Variants in SPSB4 observed in about 807,000 individuals in gnomAD.
SPSB4 encodes SPRY domain-containing SOCS box protein 4.
Under a neutral mutation model 20.9 loss-of-function variants are expected in SPSB4, and 21 were observed. The ratio of observed to expected loss-of-function variants is 1.01; its 90% CI spans 0.71 to 1.45. The LOEUF (loss-of-function observed/expected upper bound fraction) is 1.45. Ranked by LOEUF, SPSB4 falls within the 40% of genes most tolerant of loss-of-function variation. SPSB4 has a pLI of 0.00. For synonymous variants in SPSB4, 207 were observed against 183.8 expected (o/e 1.13, Z -1.02); for missense variants, 399 against 399.2 (o/e 1.00, Z 0.00).
chr3:141,129,492 G>C (rs1939101917), intron 2 of SPSB4, among the ~76,000 whole-genome samples: 1 of 152,196 alleles, frequency 6.6e-6, no homozygotes. Flanking sequence ...CCACCATCCT[G>C]TTGCACCTGC....
intron 1 of SPSB4, among the ~76,000 whole-genome samples, chr3:141,064,402 C>G (rs900888786): frequency 8.5e-5 from 13 of 152,160 alleles, no homozygotes; most frequent in African/African-American, 2.4e-4. Context: ...CCTAGTGTTG[C>G]AAATTGTTAT....
chr3:141,054,885 A>G (rs1343410543), intron 1 of SPSB4, among the ~76,000 whole-genome samples: 1 of 152,052 alleles, frequency 6.6e-6, no homozygotes, highest in Non-Finnish European at 1.5e-5. Flanking sequence ...GAATGGCATG[A>G]ACCTGGGACG....
intron 1 of SPSB4, among the ~76,000 whole-genome samples, chr3:141,056,303 C>G (rs1324048986): frequency 2.0e-5 from 3 of 152,342 alleles, no homozygotes; most frequent in Non-Finnish European, 2.9e-5. Context: ...TACCTGTTAT[C>G]TACCTTCAGG....
At position 141,066,730 on chromosome 3, in the gene SPSB4, T is replaced by G. The variant is rs1057328736; in HGVS notation, c.626T>G (p.Leu209Arg). 5 of 1,607,458 alleles carry G rather than the reference T, an allele frequency of 3.1e-6. No homozygotes were observed. Among genetic ancestry groups the G allele is most frequent in the Non-Finnish European group, 4.2e-6 (5 of 1,176,738 alleles). ...TTCCGAGGTCTCAAGGGCAAGAAGC[T>G]GTACCCGGTGGTGAGTGCCGTGTGG... ...VAFRGLKGKK[L>R]YPVVSAVWGH... The change falls in exon 2 of 3, where the codon CTG (leucine) becomes CGG (arginine). Residue 209 changes from leucine (L) to arginine (R), a missense_variant. Coordinates refer to ENST00000310546, the MANE Select transcript of SPSB4 (RefSeq NM_080862.3).
intron 2 of SPSB4, among the ~76,000 whole-genome samples, chr3:141,100,463 G>A (rs187530248): frequency 1.7e-4 from 26 of 152,268 alleles, no homozygotes; most frequent in Middle Eastern, 3.4e-3. Flanking sequence ...AAAGATTGCC[G>A]GTAAACCACC....
intron 2 of SPSB4, among the ~76,000 whole-genome samples, chr3:141,104,954 C>G (rs2107796383): frequency 6.6e-6 from 1 of 152,286 alleles, no homozygotes; most frequent in Non-Finnish European, 1.5e-5. Flanking sequence ...GATCCCACCT[C>G]TGGAAGGGAT....
At chr3:141,144,261 C>T (rs528860208) in intron 2 of SPSB4, among the ~76,000 whole-genome samples, 1 of 152,218 alleles carries the variant, frequency 6.6e-6, no homozygotes, top group African/African-American at 2.4e-5. Flanking sequence ...TTAATTTCTA[C>T]TTTCCTGATG....
chr3:141,064,368 CTT>C (rs1334799285), intron 1 of SPSB4, among the ~76,000 whole-genome samples: 1 of 152,172 alleles, frequency 6.6e-6, no homozygotes, highest in Non-Finnish European at 1.5e-5. Context: ...AAAGGAGTAA[CTT>C]TATTCTGCTA....
At chr3:141,105,246 G>A (rs1230579224) in intron 2 of SPSB4, among the ~76,000 whole-genome samples, 2 of 152,160 alleles carry the variant, frequency 1.3e-5, no homozygotes, top group African/African-American at 2.4e-5. Context: ...GTGGTGAAAC[G>A]GGATGTTACA....
intron 2 of SPSB4, among the ~76,000 whole-genome samples, chr3:141,129,591 G>A (rs1013831248): frequency 6.6e-6 from 1 of 152,156 alleles, no homozygotes; most frequent in African/African-American, 2.4e-5. Context: ...TCATGCACAC[G>A]CATGCACACA....
At chr3:141,099,517 G>A (rs1379356062) in intron 2 of SPSB4, among the ~76,000 whole-genome samples, 1 of 152,130 alleles carries the variant, frequency 6.6e-6, no homozygotes, top group African/African-American at 2.4e-5. Flanking sequence ...ATATCCATGT[G>A]GTAGATTGTT....
intron 2 of SPSB4, among the ~76,000 whole-genome samples, chr3:141,146,465 G>A (rs1939413958): frequency 1.3e-5 from 2 of 152,068 alleles, no homozygotes; most frequent in South Asian, 2.1e-4. Flanking sequence ...GACCTGAAGT[G>A]AGAAGTCCTT....
intron 2 of SPSB4, among the ~76,000 whole-genome samples, chr3:141,102,005 T>C (rs1177437712): frequency 6.6e-6 from 1 of 152,244 alleles, no homozygotes; most frequent in African/African-American, 2.4e-5. Flanking sequence ...GCCTTTCCAG[T>C]TGTGCAGTGG....
intron 2 of SPSB4, among the ~76,000 whole-genome samples, chr3:141,106,343 C>T (rs547246299): frequency 1.3e-5 from 2 of 149,376 alleles, no homozygotes; most frequent in African/African-American, 5.2e-5. Flanking sequence ...ACCTCCTCCT[C>T]TAAGTGTGCA....
chr3:141,091,327 C>T lies in SPSB4; in HGVS notation c.694+24529C>T, dbSNP rs149431514. On this transcript the variant is annotated intron_variant, in intron 2 of 2. Transcript: ENST00000310546. ...AAGTAGGGATAAAAGCCATAACCACCTCGTGAGCATTGTCATGGAGATTAG... is the reference window on the plus strand; with the variant it reads ...AAGTAGGGATAAAAGCCATAACCACTTCGTGAGCATTGTCATGGAGATTAG... Among the ~76,000 whole-genome samples, 803 of 152,316 alleles carry T rather than the reference C, an allele frequency of 5.3e-3. 7 individuals are homozygous for T. Among genetic ancestry groups the T allele is most frequent in the African/African-American group, 0.019 (770 of 41,564 alleles).
At chr3:141,138,973 T>G (rs1172029000) in intron 2 of SPSB4, among the ~76,000 whole-genome samples, 3 of 152,202 alleles carry the variant, frequency 2.0e-5, no homozygotes, top group Non-Finnish European at 4.4e-5. Context: ...GGTGTCTAAG[T>G]CTTTTTGTAG....
At chr3:141,144,197 G>A (rs1939376459) in intron 2 of SPSB4, among the ~76,000 whole-genome samples, 1 of 152,142 alleles carries the variant, frequency 6.6e-6, no homozygotes, top group Admixed American at 6.5e-5. Context: ...CAGGAAAGAG[G>A]ATATCATCAT....
At chr3:141,128,567 C>G (rs916998232) in intron 2 of SPSB4, among the ~76,000 whole-genome samples, 1 of 152,086 alleles carries the variant, frequency 6.6e-6, no homozygotes, top group East Asian at 1.9e-4. Flanking sequence ...GAGCACGCAG[C>G]CCCCAGAGAA....
intron 2 of SPSB4, among the ~76,000 whole-genome samples, chr3:141,072,513 C>G (rs75043872): frequency 0.036 from 5,472 of 152,194 alleles, 132 homozygotes; most frequent in Middle Eastern, 0.068. Context: ...TTAAAAGAGC[C>G]TGGCATCTCT....
Sources: gnomAD v4.1 joint callset for allele counts (sites outside exome capture counted in the v4.1 genomes callset) on GRCh38, gnomAD v4.1.1 for gene constraint, MANE v1.5 for transcripts, NCBI Gene and HGNC (gene_info 2026-07-23, HGNC 2026-07-21) for gene names.